Variants in PEX11B observed in about 807,000 individuals in gnomAD.
PEX11B encodes peroxisomal membrane protein 11B.
A neutral mutation model predicts 28.2 loss-of-function variants in PEX11B; 18 were observed. That is an observed-to-expected ratio of 0.64 (90% CI 0.44 to 0.95). The LOEUF (loss-of-function observed/expected upper bound fraction) is 0.95, where lower values mean the gene tolerates loss of function less well. Among genes scored for constraint, PEX11B ranks in the 40% least tolerant of loss-of-function variants. The pLI, the probability that PEX11B is intolerant of heterozygous loss-of-function variation, is 0.00. For missense variants in PEX11B, 305 were observed against 319.8 expected, an observed-to-expected ratio of 0.95 and a Z score of 0.35; for synonymous variants, 128 against 128.7, an observed-to-expected ratio of 0.99 and a Z score of 0.04.
In PEX11B at chr1:145,917,809, G is replaced by A. The variant is rs397515419; in HGVS notation, c.64C>T (p.Gln22Ter). The A allele has an allele frequency of 1.9e-6, 3 of 1,610,442 alleles. No homozygotes were observed. The highest frequency in any genetic ancestry group is 2.5e-6 in the Non-Finnish European group (3 of 1,176,790). ...TGGCCAAGAAGAGAGCAAGCATACT[G>A]GGCGGCCCTAGAGGAGAGGGCAGGC... ...QARERLCRAA[Q>*]YACSLLGHAL... Residue 22 changes from glutamine (Q) to a stop codon, truncating the protein, a stop_gained, in exon 2 of 4, where the codon CAG (glutamine) becomes TAG (stop). Transcript: ENST00000369306. LOFTEE classifies it high-confidence loss of function.
chr1:145,916,822 T>A lies in PEX11B; in HGVS notation c.369A>T (p.Ser123=), dbSNP rs373994887. 17 of 1,612,888 alleles carry A rather than the reference T, an allele frequency of 1.1e-5. No homozygotes were observed. Among genetic ancestry groups the A allele is most frequent in the Non-Finnish European group, 1.3e-5 (15 of 1,178,974 alleles). Residue 123 remains serine, a synonymous_variant, in exon 3 of 4, where the codon TCA becomes TCT. Coordinates refer to ENST00000369306, the MANE Select transcript of PEX11B (RefSeq NM_003846.3). ...AGGAGAACAGGATATCAAACCTGAA[T>A]GAACGCTGGGCCCACTTCTCCTGAT... ...RVDQEKWAQR[S]FRYYLFSLIM...
At chr1:145,918,155 G>C (rs191988243) in intron 1 of PEX11B, 2 of 985,438 alleles carry the variant, frequency 2.0e-6, no homozygotes, top group Admixed American at 6.1e-5. Flanking sequence ...CAGACAGTTG[G>C]AGGGCATTTT....
chr1:145,916,957 T>A lies in PEX11B; in HGVS notation c.234A>T (p.Ser78=). 1.2e-6 allele frequency: 2 copies of A among 1,613,864 alleles called. No individual in the cohort carries two copies. The highest frequency in any genetic ancestry group is 1.7e-6 in the Non-Finnish European group (2 of 1,179,718). Residue 78 remains serine, a synonymous_variant, in exon 3 of 4, where the codon TCA becomes TCT. Coordinates refer to ENST00000369306, the MANE Select transcript of PEX11B (RefSeq NM_003846.3). The part of the protein sequence containing the change: ...LESAKRAVHL[S]DVVLRFCITV... ...TGATGCAGAATCTCAGGACAACATC[T>A]GATAGGTGAACAGCTCTTTTGGCTG...
intron 1 of PEX11B, 98 bp downstream of exon 1, chr1:145,918,535 T>C (rs587607623): frequency 6.5e-7 from 1 of 1,544,132 alleles, no homozygotes; most frequent in African/African-American, 1.4e-5. Flanking sequence ...GAGTTGACCC[T>C]TCTTGACCCC....
In PEX11B at chr1:145,912,268, GTTT is replaced by G. The variant is rs1657831835; in HGVS notation, c.670_672del (p.Lys224del). 8 of 1,613,972 alleles carry G rather than the reference GTTT, an allele frequency of 5.0e-6. No individual in the cohort carries two copies. The highest frequency in any genetic ancestry group is 6.8e-6 in the Non-Finnish European group (8 of 1,179,980). On this transcript the variant is annotated inframe_deletion, in exon 4 of 4. Transcript: ENST00000369306. ...CCAGGGCCACAGCGCCAGAGGCCTA[GTTT>G]GTCCAGAGGAATGAAGAGATCACAG...
chr1:145,914,901 T>C (rs1342677373), intron 3 of PEX11B, among the ~76,000 whole-genome samples: 1 of 152,198 alleles, frequency 6.6e-6, no homozygotes, highest in Non-Finnish European at 1.5e-5. Flanking sequence ...AGAGGCCTTG[T>C]TTGTCTTTTC....
chr1:145,915,634 C>CTTTTTT (rs587607174), intron 3 of PEX11B, among the ~76,000 whole-genome samples: 9 of 137,360 alleles, frequency 6.6e-5, no homozygotes, highest in African/African-American at 1.1e-4. Flanking sequence ...CTTTTCTTTT[C>CTTTTTT]TTTTTTTTTT....
At chr1:145,918,216 G>C (rs1647520789) in intron 1 of PEX11B, 11 of 985,438 alleles carry the variant, frequency 1.1e-5, no homozygotes, top group Non-Finnish European at 1.2e-5. Flanking sequence ...TAGCTGAATG[G>C]AGACCAAACG....
intron 3 of PEX11B, among the ~76,000 whole-genome samples, chr1:145,914,397 A>C (rs1647271045): frequency 6.6e-6 from 1 of 151,960 alleles, no homozygotes; most frequent in Admixed American, 6.6e-5. Flanking sequence ...ACCAAAAACA[A>C]ATAAACAAAC....
chr1:145,918,469 C>A (rs1570937762), intron 1 of PEX11B, 164 bp downstream of exon 1: 1 of 1,536,488 alleles, frequency 6.5e-7, no homozygotes, highest in Non-Finnish European at 8.7e-7. Context: ...GGAAAGGAAT[C>A]ATCTCAACAG....
In PEX11B at chr1:145,912,325, GGGGATGACC is replaced by G. The variant is rs1553753236; in HGVS notation, c.607_615del (p.Gly203_Pro205del). ...TTTCTGACCACGTCTAGCAGAAGTGGGGGATGACCTCTAAGGACTCGAGCCAGGAGCAGG... is the reference window on the plus strand; with the variant it reads ...TTTCTGACCACGTCTAGCAGAAGTGGTCTAAGGACTCGAGCCAGGAGCAGG... On this transcript the variant is annotated inframe_deletion, in exon 4 of 4. Transcript: ENST00000369306. 1 of 1,614,050 alleles carries G rather than the reference GGGGATGACC, an allele frequency of 6.2e-7. No homozygotes were observed. The highest frequency in any genetic ancestry group is 1.6e-4 in the Middle Eastern group (1 of 6,062).
intron 3 of PEX11B, among the ~76,000 whole-genome samples, chr1:145,914,410 C>T (rs868978002): frequency 4.0e-4 from 61 of 151,782 alleles, no homozygotes; most frequent in African/African-American, 1.4e-3. Context: ...AAACAAACCA[C>T]AGCTCTCCAT....
intron 3 of PEX11B, among the ~76,000 whole-genome samples, chr1:145,913,383 C>T (rs1381605682): frequency 1.3e-5 from 2 of 152,114 alleles, no homozygotes; most frequent in Admixed American, 6.5e-5. Flanking sequence ...GATCATGTCA[C>T]AACGTACATG....
chr1:145,918,173 A>G, intron 1 of PEX11B: 1 of 985,456 alleles, frequency 1.0e-6, no homozygotes, highest in Non-Finnish European at 1.2e-6. Context: ...TTTATTCCTC[A>G]GAATAGGTGA....
chr1:145,911,892 A>G lies in PEX11B; in HGVS notation c.*269T>C, dbSNP rs1657807743. 1 of 299,530 alleles carries G rather than the reference A, an allele frequency of 3.3e-6. No individual in the cohort carries two copies. The highest frequency in any genetic ancestry group is 5.7e-5 in the East Asian group (1 of 17,490). 18.6% of individuals were successfully genotyped at this position (299,530 alleles called of 1,614,324 possible). A position where few individuals can be genotyped will look rare whatever the true frequency, so the allele number is the denominator to read the frequency against. Reference sequence around the variant, plus strand: ...TAGACACAGAACCTTAAACAGAGTTAAGAGACACAAAGTAAATATATTCAA... The same window carrying G: ...TAGACACAGAACCTTAAACAGAGTTGAGAGACACAAAGTAAATATATTCAA... On this transcript the variant is annotated 3_prime_UTR_variant, in exon 4 of 4. Transcript: ENST00000369306.
chr1:145,912,608 T>C (rs1331280374), intron 3 of PEX11B, 42 bp from the exon 4 acceptor site: 1 of 1,255,784 alleles, frequency 8.0e-7, no homozygotes, highest in Non-Finnish European at 1.1e-6. Flanking sequence ...CATGTATACC[T>C]ACTTAACATA....
intron 1 of PEX11B, 27 bp from the exon 2 acceptor site, chr1:145,917,843 G>A (rs1647493201): frequency 6.5e-7 from 1 of 1,538,182 alleles, no homozygotes; most frequent in Middle Eastern, 1.7e-4. Flanking sequence ...GCAAGGTAAG[G>A]TGGAGACCTC....
intron 3 of PEX11B, among the ~76,000 whole-genome samples, chr1:145,913,927 G>A (rs1448369154): frequency 6.6e-6 from 1 of 152,108 alleles, no homozygotes; most frequent in Non-Finnish European, 1.5e-5. Flanking sequence ...ACACCGCACT[G>A]CCATACTCTA....
intron 3 of PEX11B, among the ~76,000 whole-genome samples, chr1:145,915,203 C>T (rs1242153333): frequency 2.0e-5 from 3 of 152,170 alleles, no homozygotes; most frequent in Admixed American, 6.5e-5. Flanking sequence ...CGCACCTGGC[C>T]GGCCTTGTTT....
Sources: gnomAD v4.1 joint callset for allele counts (sites outside exome capture counted in the v4.1 genomes callset) on GRCh38, gnomAD v4.1.1 for gene constraint, MANE v1.5 for transcripts, NCBI Gene and HGNC (gene_info 2026-07-23, HGNC 2026-07-21) for gene names.